MYO3A: variants seen among roughly 807,000 people sequenced by gnomAD.
MYO3A encodes the protein myosin IIIA, also known as myosin-IIIa.
A neutral mutation model predicts 192.7 loss-of-function variants in MYO3A; 180 were observed. That is an observed-to-expected ratio of 0.93 (90% confidence interval 0.83 to 1.06). The LOEUF (loss-of-function observed/expected upper bound fraction) is 1.06. MYO3A is among the 50% of genes least tolerant of loss of function. MYO3A has a pLI of 0.00. For synonymous variants in MYO3A, 628 were observed against 645.3 expected (o/e 0.97, Z 0.41); for missense variants, 1,896 against 1,905.0 (o/e 1.00, Z 0.09).
At chr10:26,012,008 A>G (rs975527781) in intron 6 of MYO3A, among the ~76,000 whole-genome samples, 8 of 152,212 alleles carry the variant, frequency 5.3e-5, no homozygotes, top group African/African-American at 1.9e-4. Flanking sequence ...CCATATGATC[A>G]TCTCAATAGA....
At chr10:25,980,114 G>A (rs1333109167) in intron 4 of MYO3A, among the ~76,000 whole-genome samples, 1 of 152,030 alleles carries the variant, frequency 6.6e-6, no homozygotes, top group Non-Finnish European at 1.5e-5. Context: ...GCAGGCGCCT[G>A]TAGTCCCAGC....
chr10:26,177,610 C>T (rs1842397859), intron 31 of MYO3A, among the ~76,000 whole-genome samples: 2 of 152,226 alleles, frequency 1.3e-5, no homozygotes, highest in Non-Finnish European at 2.9e-5. Flanking sequence ...CCCCCAGGAG[C>T]TGTCACGGTA....
chr10:26,139,089 T>C (rs564876159), intron 20 of MYO3A, among the ~76,000 whole-genome samples: 1 of 152,322 alleles, frequency 6.6e-6, no homozygotes, highest in East Asian at 1.9e-4. Context: ...ATAATACTCC[T>C]AATAATAGCT....
intron 20 of MYO3A, among the ~76,000 whole-genome samples, chr10:26,139,898 A>G (rs914963032): frequency 1.3e-5 from 2 of 152,170 alleles, no homozygotes; most frequent in Admixed American, 6.5e-5. Flanking sequence ...AAAAAAGTCA[A>G]TCTACAAACA....
intron 26 of MYO3A, among the ~76,000 whole-genome samples, chr10:26,165,123 G>A (rs986663696): frequency 6.6e-6 from 1 of 152,020 alleles, no homozygotes; most frequent in Non-Finnish European, 1.5e-5. Flanking sequence ...TCATTTTAGA[G>A]GTTTTATCTC....
rs1478631761 is a variant in MYO3A, at chr10:26,125,561, G to A, written c.2067G>A (p.Trp689Ter). 1.2e-6 allele frequency: 2 copies of A among 1,614,014 alleles called. No individual in the cohort carries two copies. Among genetic ancestry groups the A allele is most frequent in the Non-Finnish European group, 8.5e-7 (1 of 1,179,902 alleles). ...AKTLYGRLFS[W>*]IVNCINSLLK... ...CTTTATATGGACGTCTCTTTAGTTGGATAGTCAATTGCATTAACAGTTTGT... is the reference window on the plus strand; with the variant it reads ...CTTTATATGGACGTCTCTTTAGTTGAATAGTCAATTGCATTAACAGTTTGT... The change falls in exon 19 of 35, where the codon TGG becomes TGA. Residue 689 changes from tryptophan to a stop codon, truncating the protein, a stop_gained. Coordinates refer to ENST00000642920, the MANE Select transcript of MYO3A (RefSeq NM_017433.5). LOFTEE classifies it high-confidence loss of function.
intron 2 of MYO3A, among the ~76,000 whole-genome samples, chr10:25,947,391 T>G (rs1179085758): frequency 2.6e-5 from 1 of 38,746 alleles, no homozygotes; most frequent in Non-Finnish European, 6.9e-5. Context: ...TTCTTTTTCT[T>G]TTTTTTTTTT....
chr10:26,036,198 C>G (rs1843028623), intron 10 of MYO3A, among the ~76,000 whole-genome samples: 1 of 152,108 alleles, frequency 6.6e-6, no homozygotes, highest in African/African-American at 2.4e-5. Context: ...CTCGACCTCC[C>G]AAAGTGCTAG....
chr10:26,076,551 G>A (rs992648334), intron 14 of MYO3A, among the ~76,000 whole-genome samples: 1 of 151,910 alleles, frequency 6.6e-6, no homozygotes, highest in African/African-American at 2.4e-5. Context: ...TTTCTTTTGG[G>A]TTCTTGGTCA....
intron 6 of MYO3A, among the ~76,000 whole-genome samples, chr10:26,014,688 C>T (rs911146262): frequency 1.3e-5 from 2 of 152,058 alleles, no homozygotes; most frequent in African/African-American, 4.8e-5. Flanking sequence ...AGTGTCTTAA[C>T]CTCATCAACA....
chr10:26,102,267 T>A (rs555523133), intron 17 of MYO3A, among the ~76,000 whole-genome samples: 1 of 152,236 alleles, frequency 6.6e-6, no homozygotes, highest in South Asian at 2.1e-4. Context: ...TAAGGTCTTC[T>A]CTACACTGTT....
intron 27 of MYO3A, 138 bp from the exon 28 acceptor site, chr10:26,168,574 A>T: frequency 1.2e-6 from 1 of 832,160 alleles, no homozygotes. Context: ...TCATAGTGAC[A>T]TCTAGGGCAA....
intron 10 of MYO3A, among the ~76,000 whole-genome samples, chr10:26,042,578 T>G (rs748754656): frequency 6.6e-6 from 1 of 152,206 alleles, no homozygotes; most frequent in Non-Finnish European, 1.5e-5. Flanking sequence ...TTCTGCTTAG[T>G]CAAATCTACT....
intron 26 of MYO3A, among the ~76,000 whole-genome samples, chr10:26,160,713 A>G (rs993372924): frequency 2.6e-5 from 4 of 152,346 alleles, no homozygotes; most frequent in Non-Finnish European, 4.4e-5. Flanking sequence ...GGTACGGCTT[A>G]TGGAGAAAAC....
chr10:26,064,622 A>T (rs1834701113), intron 10 of MYO3A, among the ~76,000 whole-genome samples: 1 of 152,012 alleles, frequency 6.6e-6, no homozygotes, highest in Non-Finnish European at 1.5e-5. Flanking sequence ...CAGCAGGCAA[A>T]CCTCTTGGGA....
intron 20 of MYO3A, among the ~76,000 whole-genome samples, chr10:26,141,588 T>C (rs1840170021): frequency 6.6e-6 from 1 of 152,200 alleles, no homozygotes; most frequent in Admixed American, 6.5e-5. Flanking sequence ...CTCGTGTACT[T>C]TCTGTATAAA....
chr10:26,104,330 C>A (rs1837657178), intron 17 of MYO3A, among the ~76,000 whole-genome samples: 1 of 152,100 alleles, frequency 6.6e-6, no homozygotes, highest in Non-Finnish European at 1.5e-5. Context: ...TTAGCTCTTA[C>A]ATTTAGGTCA....
At chr10:26,051,556 A>T (rs1259729999) in intron 10 of MYO3A, among the ~76,000 whole-genome samples, 5 of 148,204 alleles carry the variant, frequency 3.4e-5, no homozygotes, top group Non-Finnish European at 7.4e-5. Flanking sequence ...TATATTATAT[A>T]CTATCTATAA....
chr10:26,173,626 T>C, intron 29 of MYO3A, 37 bp from the exon 30 acceptor site: 1 of 1,579,156 alleles, frequency 6.3e-7, no homozygotes, highest in South Asian at 1.1e-5. Context: ...AGCTCCAGTT[T>C]AGTACTGTAT....
Sources: allele counts gnomAD v4.1 joint callset (sites outside exome capture counted in the v4.1 genomes callset), GRCh38; gene constraint gnomAD v4.1.1; transcripts MANE v1.5; gene names NCBI Gene and HGNC (gene_info 2026-07-23, HGNC 2026-07-21).